The following CPEB3 variants were observed in gnomAD, a reference collection of about 807,000 sequenced individuals.
The protein encoded by CPEB3 is cytoplasmic polyadenylation element binding protein 3.
A neutral mutation model predicts 67.2 loss-of-function variants in CPEB3; 20 were observed. The observed-to-expected ratio is 0.30, with a 90% CI of 0.21 to 0.43. CPEB3 has a LOEUF of 0.43. CPEB3 is among the 20% of genes least tolerant of loss of function. The pLI, the probability that CPEB3 is intolerant of heterozygous loss-of-function variation, is 1.00. For missense variants in CPEB3, 746 were observed against 968.6 expected (o/e 0.77, Z 3.05); for synonymous variants, 376 against 393.1 (o/e 0.96, Z 0.51).
chr10:92,225,957 C>T (rs148327605), intron 2 of CPEB3, among the ~76,000 whole-genome samples: 7,035 of 152,114 alleles, frequency 0.046, 232 homozygotes, highest in Non-Finnish European at 0.072. Flanking sequence ...ATTAGCCGGG[C>T]GTGGTGGCAA....
At chr10:92,220,648 T>C (rs955719040) in intron 2 of CPEB3, among the ~76,000 whole-genome samples, 2 of 151,758 alleles carry the variant, frequency 1.3e-5, no homozygotes, top group African/African-American at 4.8e-5. Context: ...CATTTACATA[T>C]ACATAGACCA....
chr10:92,286,945 T>G (rs1842555843), intron 1 of CPEB3, among the ~76,000 whole-genome samples: 1 of 152,232 alleles, frequency 6.6e-6, no homozygotes, highest in Non-Finnish European at 1.5e-5. Context: ...AATAGTGGTG[T>G]GCGCCTATAA....
chr10:92,092,801 T>C (rs1006638329), intron 7 of CPEB3, among the ~76,000 whole-genome samples: 1 of 151,866 alleles, frequency 6.6e-6, no homozygotes, highest in African/African-American at 2.4e-5. Flanking sequence ...AGAGAGAGAA[T>C]TACCTCTTTT....
intron 7 of CPEB3, among the ~76,000 whole-genome samples, chr10:92,094,696 A>G (rs999940378): frequency 2.6e-5 from 4 of 152,172 alleles, no homozygotes; most frequent in Admixed American, 6.5e-5. Context: ...CAGATTCACT[A>G]ATACCATAAA....
intron 1 of CPEB3, among the ~76,000 whole-genome samples, chr10:92,270,967 A>G (rs917232325): frequency 2.6e-5 from 4 of 151,976 alleles, no homozygotes; most frequent in African/African-American, 7.2e-5. Context: ...CCCTGAGGTC[A>G]GGAGTTTGAG....
intron 4 of CPEB3, among the ~76,000 whole-genome samples, chr10:92,150,802 C>T (rs191308903): frequency 3.3e-5 from 5 of 152,106 alleles, no homozygotes; most frequent in East Asian, 1.9e-4. Context: ...GTTAAGCAAG[C>T]CACATTACTT....
At chr10:92,085,387 G>C (rs981820238) in intron 8 of CPEB3, among the ~76,000 whole-genome samples, 28 of 152,224 alleles carry the variant, frequency 1.8e-4, no homozygotes, top group Middle Eastern at 3.4e-3. Context: ...GTTGTCTCAT[G>C]AACAACTTCC....
intron 6 of CPEB3, chr10:92,118,529 T>C (rs917603014): frequency 4.7e-6 from 1 of 211,128 alleles, no homozygotes; most frequent in African/African-American, 2.3e-5. Flanking sequence ...ACAAAAACTA[T>C]ATTAAAGGAT....
At chr10:92,106,830 AAAAAAAAAAAGAAAG>A (rs1844490159) in intron 7 of CPEB3, among the ~76,000 whole-genome samples, 1 of 150,512 alleles carries the variant, frequency 6.6e-6, no homozygotes, top group South Asian at 2.1e-4. Flanking sequence ...AAAAAAAAAA[AAAAAAAAAAAGAAAG>A]AAAGAAAAAA....
chr10:92,070,796 C>CAAAAAT (rs1278694910), intron 9 of CPEB3, among the ~76,000 whole-genome samples: 7 of 143,706 alleles, frequency 4.9e-5, no homozygotes, highest in Admixed American at 2.8e-4. Context: ...AGAGCAACAA[C>CAAAAAT]AAAAATAAAA....
intron 2 of CPEB3, among the ~76,000 whole-genome samples, chr10:92,226,689 G>A (rs1221388466): frequency 6.6e-6 from 1 of 152,156 alleles, no homozygotes; most frequent in African/African-American, 2.4e-5. Context: ...AATACTGTAA[G>A]ACAATGTAGC....
chr10:92,144,931 T>C lies in CPEB3; in HGVS notation c.1363+14A>G. The stretch of plus-strand genomic sequence containing the variant: ...AACTCAGCCTTTGCAAAATCATTAA[T>C]GAATGCATAGTACCTTCATCAATAT... On this transcript the variant is annotated intron_variant, in intron 5 of 9. Coordinates refer to ENST00000265997, the MANE Select transcript of CPEB3 (RefSeq NM_014912.5). 6.2e-7 allele frequency: 1 copy of C among 1,612,404 alleles called. No homozygotes were observed. The highest frequency in any genetic ancestry group is 1.1e-5 in the South Asian group (1 of 91,024).
intron 2 of CPEB3, among the ~76,000 whole-genome samples, chr10:92,197,426 G>T (rs181679214): frequency 1.4e-4 from 22 of 152,226 alleles, no homozygotes; most frequent in Admixed American, 5.9e-4. Flanking sequence ...AGAAAACCAG[G>T]CCACAATTTA....
intron 6 of CPEB3, among the ~76,000 whole-genome samples, chr10:92,120,571 G>A (rs191820516): frequency 4.6e-4 from 70 of 152,058 alleles, no homozygotes; most frequent in Admixed American, 2.5e-3. Flanking sequence ...GTGACAGAGC[G>A]AGACTGTCTC....
At chr10:92,189,290 G>T (rs775024608) in intron 3 of CPEB3, among the ~76,000 whole-genome samples, 2 of 152,164 alleles carry the variant, frequency 1.3e-5, no homozygotes, top group South Asian at 4.1e-4. Flanking sequence ...CACTACTTAT[G>T]AAAAATATAA....
chr10:92,150,665 T>C (rs1184991657), intron 4 of CPEB3, among the ~76,000 whole-genome samples: 1 of 152,192 alleles, frequency 6.6e-6, no homozygotes, highest in Non-Finnish European at 1.5e-5. Flanking sequence ...TGGACATGTG[T>C]TACTAGAAAC....
At chr10:92,208,583 C>CT (rs11358111) in intron 2 of CPEB3, among the ~76,000 whole-genome samples, 217 of 144,378 alleles carry the variant, frequency 1.5e-3, no homozygotes, top group South Asian at 1.1e-3. Context: ...TCTGAAAGCC[C>CT]TTTTTTTTTT....
At chr10:92,194,723 A>G (rs192820440) in intron 2 of CPEB3, among the ~76,000 whole-genome samples, 3 of 152,204 alleles carry the variant, frequency 2.0e-5, no homozygotes, top group South Asian at 2.1e-4. Flanking sequence ...CTGAGCCTCA[A>G]GGGAAACACA....
At chr10:92,166,530 A>T (rs1847754529) in intron 4 of CPEB3, among the ~76,000 whole-genome samples, 1 of 152,224 alleles carries the variant, frequency 6.6e-6, no homozygotes, top group South Asian at 2.1e-4. Flanking sequence ...GTTCATCTCC[A>T]TCAAGTGCAC....
Sources: gnomAD v4.1 joint callset for allele counts (sites outside exome capture counted in the v4.1 genomes callset) on GRCh38, gnomAD v4.1.1 for gene constraint, MANE v1.5 for transcripts, NCBI Gene and HGNC (gene_info 2026-07-23, HGNC 2026-07-21) for gene names.